ZNF385D: variants seen among roughly 807,000 people sequenced by gnomAD.
ZNF385D encodes zinc finger protein 659.
In ZNF385D, 15 loss-of-function variants were observed where a neutral mutation model predicts 35.8. That is an observed-to-expected ratio of 0.42 (90% CI 0.28 to 0.64). The LOEUF (loss-of-function observed/expected upper bound fraction) is 0.64. ZNF385D is among the 30% of genes least tolerant of loss of function. The pLI is 0.23. For missense variants in ZNF385D, 474 were observed against 494.6 expected (o/e 0.96, Z 0.39); for synonymous variants, 212 against 186.8 (o/e 1.13, Z -1.10).
chr3:21,579,023 CCTTT>C (rs1347357186), intron 2 of ZNF385D, among the ~76,000 whole-genome samples: 1 of 152,226 alleles, frequency 6.6e-6, no homozygotes, highest in Admixed American at 6.5e-5. Flanking sequence ...ACTCTTAATT[CCTTT>C]CTATTTTGAT....
intron 3 of ZNF385D, among the ~76,000 whole-genome samples, chr3:21,522,512 G>T (rs1266307636): frequency 6.6e-6 from 1 of 152,004 alleles, no homozygotes; most frequent in Non-Finnish European, 1.5e-5. Flanking sequence ...GCTAATTATT[G>T]TATTTTTAGT....
chr3:21,875,469 C>A (rs921867801), intron 3 of ZNF385D, among the ~76,000 whole-genome samples: 3 of 152,026 alleles, frequency 2.0e-5, no homozygotes, highest in South Asian at 2.1e-4. Context: ...TCAGTTTATA[C>A]CTTCTGAAGT....
At chr3:22,076,256 T>A (rs765031355) in intron 3 of ZNF385D, among the ~76,000 whole-genome samples, 1 of 151,874 alleles carries the variant, frequency 6.6e-6, no homozygotes, top group Non-Finnish European at 1.5e-5. Flanking sequence ...ACATTCTTTA[T>A]CCTCCATTAT....
intron 2 of ZNF385D, among the ~76,000 whole-genome samples, chr3:22,186,320 T>A (rs1314933980): frequency 6.6e-6 from 1 of 152,124 alleles, no homozygotes; most frequent in Non-Finnish European, 1.5e-5. Flanking sequence ...GTAACTTGAA[T>A]AAACACATCC....
At chr3:21,642,631 C>G (rs1055912076) in intron 2 of ZNF385D, among the ~76,000 whole-genome samples, 2 of 152,058 alleles carry the variant, frequency 1.3e-5, no homozygotes, top group African/African-American at 4.8e-5. Context: ...AGTGGTGACT[C>G]AGACATATAT....
intron 3 of ZNF385D, among the ~76,000 whole-genome samples, chr3:21,860,191 A>C (rs558841534): frequency 2.0e-3 from 301 of 151,832 alleles, no homozygotes; most frequent in Middle Eastern, 0.01. Flanking sequence ...ACCAAGGTTG[A>C]GCACGTTTGC....
At position 21,419,449 on chromosome 3, in the gene ZNF385D, T is replaced by C. The variant is rs952775090; in HGVS notation, c.*1765A>G. Reference sequence around the variant, plus strand: ...TACCTATGTCTCAAATGGTTTCCTCTTGATTCTTTATACCTCTCCAAGGGT... The same window carrying C: ...TACCTATGTCTCAAATGGTTTCCTCCTGATTCTTTATACCTCTCCAAGGGT... On this transcript the variant is annotated 3_prime_UTR_variant, in exon 8 of 8. Coordinates refer to ENST00000281523, the MANE Select transcript of ZNF385D (RefSeq NM_024697.3). The C allele has an allele frequency of 6.6e-6, 1 of 152,172 alleles. No individual in the cohort carries two copies. Among genetic ancestry groups the C allele is most frequent in the African/African-American group, 2.4e-5 (1 of 41,464 alleles). The allele number at this position is 152,172 out of a possible 1,614,324, so 9.4% of individuals were successfully genotyped here. A position where few individuals can be genotyped will look rare whatever the true frequency, so the allele number is the denominator to read the frequency against.
At position 21,447,547 on chromosome 3, in the gene ZNF385D, A is replaced by G. The variant is rs1702218548; in HGVS notation, c.440-10344T>C. ...TTTCAGTGATTGCCTTTGGTAGTTC[A>G]TCTGTTTAACATATGTAGTAATGGC... On this transcript the variant is annotated intron_variant, in intron 4 of 7. Transcript: ENST00000281523. Among the ~76,000 whole-genome samples, 3 of 152,354 alleles carry G rather than the reference A, an allele frequency of 2.0e-5. No individual in the cohort carries two copies. In the South Asian group the frequency reaches 6.2e-4, roughly 32 times the overall value.
chr3:21,585,148 A>T (rs2063774145), intron 2 of ZNF385D, among the ~76,000 whole-genome samples: 2 of 152,216 alleles, frequency 1.3e-5, no homozygotes, highest in African/African-American at 4.8e-5. Flanking sequence ...ATGTATATTC[A>T]TCCAAAATAC....
chr3:21,588,666 T>TA (rs2063884597), intron 2 of ZNF385D, among the ~76,000 whole-genome samples: 1 of 152,126 alleles, frequency 6.6e-6, no homozygotes, highest in Non-Finnish European at 1.5e-5. Flanking sequence ...GAATAAAGTA[T>TA]AATATGATTT....
intron 3 of ZNF385D, among the ~76,000 whole-genome samples, chr3:22,087,177 C>T (rs2125594311): frequency 6.6e-6 from 1 of 152,168 alleles, no homozygotes; most frequent in South Asian, 2.1e-4. Flanking sequence ...TCACAAATTA[C>T]TGAAAAGTAT....
chr3:21,977,817 C>G (rs537095692), intron 3 of ZNF385D, among the ~76,000 whole-genome samples: 3 of 152,068 alleles, frequency 2.0e-5, no homozygotes, highest in South Asian at 4.2e-4. Context: ...GCCTGGGCAA[C>G]AGAGCAAAAC....
chr3:22,249,613 T>C, intron 2 of ZNF385D, among the ~76,000 whole-genome samples: 1 of 152,316 alleles, frequency 6.6e-6, no homozygotes, highest in South Asian at 2.1e-4. Flanking sequence ...TGATTCGTTA[T>C]GCTGGAAATT....
At chr3:22,112,555 G>T (rs1702589313) in intron 3 of ZNF385D, among the ~76,000 whole-genome samples, 7 of 151,966 alleles carry the variant, frequency 4.6e-5, no homozygotes, top group Admixed American at 4.6e-4. Flanking sequence ...TTGCAGTTTT[G>T]TAATTATCCA....
chr3:21,872,943 C>A (rs149513235), intron 3 of ZNF385D, among the ~76,000 whole-genome samples: 1 of 152,136 alleles, frequency 6.6e-6, no homozygotes, highest in Non-Finnish European at 1.5e-5. Flanking sequence ...TGGTGTGCAT[C>A]CAAGACAGGA....
chr3:21,581,652 C>T (rs1173950933), intron 2 of ZNF385D, among the ~76,000 whole-genome samples: 2 of 152,140 alleles, frequency 1.3e-5, no homozygotes, highest in African/African-American at 4.8e-5. Context: ...CCACATTGTT[C>T]AACTTTGTAG....
At chr3:22,036,188 G>C (rs562333397) in intron 3 of ZNF385D, among the ~76,000 whole-genome samples, 1 of 152,266 alleles carries the variant, frequency 6.6e-6, no homozygotes, top group South Asian at 2.1e-4. Context: ...TCAGGTGAAA[G>C]GGAAAGGATT....
chr3:22,078,508 A>C (rs1700580717), intron 3 of ZNF385D, among the ~76,000 whole-genome samples: 1 of 152,124 alleles, frequency 6.6e-6, no homozygotes, highest in Admixed American at 6.6e-5. Flanking sequence ...TAAGTCTCAA[A>C]GTTCACAGAT....
chr3:21,601,117 A>G (rs1307541530), intron 2 of ZNF385D, among the ~76,000 whole-genome samples: 1 of 152,172 alleles, frequency 6.6e-6, no homozygotes, highest in Non-Finnish European at 1.5e-5. Context: ...ATGCATGTGA[A>G]TCACTTTAAT....
Sources: allele counts gnomAD v4.1 joint callset (sites outside exome capture counted in the v4.1 genomes callset), GRCh38; gene constraint gnomAD v4.1.1; transcripts MANE v1.5; gene names NCBI Gene and HGNC (gene_info 2026-07-23, HGNC 2026-07-21).